The following DZIP1 variants were observed in gnomAD, a reference collection of about 807,000 sequenced individuals.
DZIP1 encodes cilium assembly protein DZIP1.
A neutral mutation model predicts 107.6 loss-of-function variants in DZIP1; 97 were observed. The ratio of observed to expected loss-of-function variants is 0.90; its 90% CI spans 0.77 to 1.07. The LOEUF (loss-of-function observed/expected upper bound fraction) is 1.07, where lower values mean the gene tolerates loss of function less well. DZIP1 is among the 50% of genes least tolerant of loss of function. The pLI is 0.00. For synonymous variants in DZIP1, 390 were observed against 386.4 expected (o/e 1.01, Z -0.11); for missense variants, 1,035 against 1,063.6 (o/e 0.97, Z 0.37).
chr13:95,602,547 A>G (rs2044647304), intron 14 of DZIP1, among the ~76,000 whole-genome samples: 1 of 152,204 alleles, frequency 6.6e-6, no homozygotes, highest in South Asian at 2.1e-4. Context: ...GTCATTACCC[A>G]GTGGTCAGTG....
chr13:95,629,857 T>G, intron 7 of DZIP1, 132 bp downstream of exon 7: 1 of 858,194 alleles, frequency 1.2e-6, no homozygotes, highest in Admixed American at 3.6e-5. Flanking sequence ...AAGAGTAGAT[T>G]GGCAATAAAA....
intron 9 of DZIP1, among the ~76,000 whole-genome samples, chr13:95,621,672 GTGTGTGTGT>G: frequency 1.1e-5 from 1 of 94,092 alleles, no homozygotes; most frequent in African/African-American, 7.1e-5. Flanking sequence ...AGCAGTGTGT[GTGTGTGTGT>G]GTGTGTGTGT....
chr13:95,606,966 G>T (rs1003542002), intron 13 of DZIP1, among the ~76,000 whole-genome samples: 2 of 152,060 alleles, frequency 1.3e-5, no homozygotes, highest in Non-Finnish European at 2.9e-5. Context: ...TTAGTTTACC[G>T]CTTCTTTCTT....
chr13:95,617,268 GAC>G (rs2139196470), intron 10 of DZIP1, among the ~76,000 whole-genome samples: 1 of 152,080 alleles, frequency 6.6e-6, no homozygotes, highest in East Asian at 1.9e-4. Flanking sequence ...AAGCAAGAGA[GAC>G]ACACTCTAGC....
intron 10 of DZIP1, among the ~76,000 whole-genome samples, chr13:95,614,070 G>A (rs1239269438): frequency 6.8e-6 from 1 of 147,682 alleles, no homozygotes; most frequent in Non-Finnish European, 1.5e-5. Context: ...GAGCTGCAGT[G>A]AGCTATGCTC....
At chr13:95,602,655 C>T (rs1025717781) in intron 14 of DZIP1, among the ~76,000 whole-genome samples, 1 of 152,254 alleles carries the variant, frequency 6.6e-6, no homozygotes, top group South Asian at 2.1e-4. Context: ...TGAAGACTCT[C>T]CTGAGCTTTT....
chr13:95,612,409 G>A (rs1272826476), intron 10 of DZIP1, among the ~76,000 whole-genome samples: 1 of 152,182 alleles, frequency 6.6e-6, no homozygotes, highest in African/African-American at 2.4e-5. Context: ...CTGATAATGG[G>A]AGCAGCTTAG....
At chr13:95,597,868 A>G (rs1327579299) in intron 15 of DZIP1, among the ~76,000 whole-genome samples, 1 of 152,242 alleles carries the variant, frequency 6.6e-6, no homozygotes, top group Non-Finnish European at 1.5e-5. Flanking sequence ...CTACTGTACA[A>G]TAGTTGCTAA....
intron 5 of DZIP1, among the ~76,000 whole-genome samples, chr13:95,633,824 T>A (rs940322873): frequency 1.6e-4 from 24 of 151,810 alleles, no homozygotes; most frequent in African/African-American, 5.8e-4. Flanking sequence ...CAGTGGCTCA[T>A]GCCTGTAATC....
At chr13:95,636,286 T>C (rs1877808709) in intron 5 of DZIP1, among the ~76,000 whole-genome samples, 1 of 151,662 alleles carries the variant, frequency 6.6e-6, no homozygotes, top group South Asian at 2.1e-4. Context: ...CTCACGCCTG[T>C]AATCCCAGCA....
intron 6 of DZIP1, among the ~76,000 whole-genome samples, chr13:95,630,363 T>C (rs997790069): frequency 2.6e-5 from 4 of 152,126 alleles, no homozygotes; most frequent in Non-Finnish European, 4.4e-5. Flanking sequence ...CCTACATAGA[T>C]ACATGAGAGC....
intron 15 of DZIP1, among the ~76,000 whole-genome samples, chr13:95,597,400 T>C (rs1325556034): frequency 6.6e-6 from 1 of 152,246 alleles, no homozygotes; most frequent in Non-Finnish European, 1.5e-5. Flanking sequence ...AAATGATATG[T>C]ATGTAGGAGA....
At chr13:95,628,036 G>A (rs1355704235) in intron 7 of DZIP1, among the ~76,000 whole-genome samples, 3 of 151,500 alleles carry the variant, frequency 2.0e-5, no homozygotes, top group Non-Finnish European at 4.4e-5. Flanking sequence ...AGACACAAAA[G>A]GTCACACATT....
At chr13:95,613,124 A>C (rs1009966309) in intron 10 of DZIP1, among the ~76,000 whole-genome samples, 1 of 152,248 alleles carries the variant, frequency 6.6e-6, no homozygotes, top group African/African-American at 2.4e-5. Flanking sequence ...GACAAAAAGA[A>C]TTCAAGAAGA....
At chr13:95,626,527 T>C (rs1443063360) in intron 7 of DZIP1, among the ~76,000 whole-genome samples, 2 of 152,004 alleles carry the variant, frequency 1.3e-5, no homozygotes, top group Non-Finnish European at 2.9e-5. Flanking sequence ...TTTCAATAAA[T>C]AAAGGGATAG....
chr13:95,616,960 C>T (rs986517962), intron 10 of DZIP1, among the ~76,000 whole-genome samples: 4 of 152,106 alleles, frequency 2.6e-5, no homozygotes, highest in African/African-American at 9.7e-5. Flanking sequence ...GTAATCCTTG[C>T]ACTTTGGGAG....
intron 14 of DZIP1, among the ~76,000 whole-genome samples, chr13:95,604,706 G>A (rs1204278415): frequency 6.6e-6 from 1 of 152,158 alleles, no homozygotes; most frequent in Non-Finnish European, 1.5e-5. Flanking sequence ...GGAACCTTGT[G>A]TGATGTCATA....
Position 95,587,749 on chromosome 13 carries a change from G to C in DZIP1, c.2028-20C>G. On this transcript the variant is annotated intron_variant, in intron 19 of 22. Coordinates refer to ENST00000376829, the MANE Select transcript of DZIP1 (RefSeq NM_198968.4). ...GGGGTCCTACACAAATCAACACCGAGATAGGGGCGCTGTTTTCGTAACGCT... is the reference window on the plus strand; with the variant it reads ...GGGGTCCTACACAAATCAACACCGACATAGGGGCGCTGTTTTCGTAACGCT... 6.2e-7 allele frequency: 1 copy of C among 1,606,634 alleles called. No homozygotes were observed. The highest frequency in any genetic ancestry group is 8.5e-7 in the Non-Finnish European group (1 of 1,176,888).
chr13:95,595,808 G>A (rs1021408559), intron 15 of DZIP1, among the ~76,000 whole-genome samples: 1 of 152,174 alleles, frequency 6.6e-6, no homozygotes, highest in Non-Finnish European at 1.5e-5. Flanking sequence ...AAGAGGCTCT[G>A]GGCCCTGTTT....
Sources: gnomAD v4.1 joint callset for allele counts (sites outside exome capture counted in the v4.1 genomes callset) on GRCh38, gnomAD v4.1.1 for gene constraint, MANE v1.5 for transcripts, NCBI Gene and HGNC (gene_info 2026-07-23, HGNC 2026-07-21) for gene names.